Variants in PNPT1 observed in about 807,000 individuals in gnomAD.
PNPT1 encodes the protein polyribonucleotide nucleotidyltransferase 1, mitochondrial.
In PNPT1, 53 loss-of-function variants were observed where a neutral mutation model predicts 119.5. The observed-to-expected ratio is 0.44, with a 90% CI of 0.36 to 0.56. The LOEUF (loss-of-function observed/expected upper bound fraction) is 0.56. PNPT1 is among the 20% of genes least tolerant of loss of function. The probability of loss-of-function intolerance (pLI) is 0.00; values close to 1 mark genes in which losing one functional copy is unlikely to be tolerated. For synonymous variants in PNPT1, 357 were observed against 322.1 expected (o/e 1.11, Z -1.16); for missense variants, 948 against 938.5 (o/e 1.01, Z -0.13).
intron 25 of PNPT1, among the ~76,000 whole-genome samples, chr2:55,641,040 A>ATT (rs1250014465): frequency 6.6e-6 from 1 of 152,064 alleles, no homozygotes; most frequent in Non-Finnish European, 1.5e-5. Flanking sequence ...CCTGGCCAAC[A>ATT]TGGTGAAACC....
intron 19 of PNPT1, among the ~76,000 whole-genome samples, chr2:55,646,798 GGTAA>G (rs753277234): frequency 6.0e-4 from 91 of 151,820 alleles, no homozygotes; most frequent in African/African-American, 1.9e-3. Flanking sequence ...AATACTTAAG[GGTAA>G]GTATTACTAT....
At chr2:55,660,456 A>T (rs1696529616) in intron 14 of PNPT1, among the ~76,000 whole-genome samples, 1 of 152,216 alleles carries the variant, frequency 6.6e-6, no homozygotes, top group Non-Finnish European at 1.5e-5. Flanking sequence ...TTTGAACACT[A>T]AGACAATAGA....
chr2:55,645,979 C>A (rs1299981069), intron 21 of PNPT1, among the ~76,000 whole-genome samples: 1 of 152,034 alleles, frequency 6.6e-6, no homozygotes, highest in Non-Finnish European at 1.5e-5. Flanking sequence ...AGGTATGCAC[C>A]ACCATGCCCG....
intron 18 of PNPT1, among the ~76,000 whole-genome samples, chr2:55,648,463 G>T (rs1430668616): frequency 6.6e-6 from 1 of 152,216 alleles, no homozygotes; most frequent in Non-Finnish European, 1.5e-5. Flanking sequence ...AGTGGTGTAA[G>T]AAGGTATATG....
At position 55,679,778 on chromosome 2, in the gene PNPT1, T is replaced by C. The variant is rs747636323; in HGVS notation, c.583A>G (p.Ile195Val). 3 of 1,607,534 alleles carry C rather than the reference T, an allele frequency of 1.9e-6. No homozygotes were observed. The Admixed American group carries it at 5.0e-5, about 27-fold the overall frequency. Residue 195 changes from isoleucine to valine, a missense_variant, in exon 8 of 28, where the codon ATA becomes GTA. Coordinates refer to ENST00000447944, the MANE Select transcript of PNPT1 (RefSeq NM_033109.5). ...TTAACAACATATTCTCCATCAATTA[T>C]TCCTATTCGTACTGCCCCTAAAATG... ...NGPVGAVRIG[I>V]IDGEYVVNPT...
intron 13 of PNPT1, 73 bp from the exon 14 acceptor site, chr2:55,662,099 A>G (rs1225454183): frequency 1.6e-6 from 2 of 1,282,662 alleles, no homozygotes; most frequent in East Asian, 2.6e-5. Flanking sequence ...TACTTGAAGA[A>G]TCCAACTAAC....
intron 1 of PNPT1, among the ~76,000 whole-genome samples, chr2:55,688,726 AAAAC>A (rs1470038262): frequency 6.6e-6 from 1 of 151,980 alleles, no homozygotes. Flanking sequence ...CTCTGTAACA[AAAAC>A]AAAACAAAAC....
chr2:55,675,137 G>T (rs1385346908), intron 8 of PNPT1, among the ~76,000 whole-genome samples: 1 of 152,030 alleles, frequency 6.6e-6, no homozygotes, highest in Non-Finnish European at 1.5e-5. Flanking sequence ...AGCTGCGGTG[G>T]TGTGCCTGTA....
At chr2:55,668,442 G>A (rs546437472) in intron 11 of PNPT1, among the ~76,000 whole-genome samples, 209 of 152,080 alleles carry the variant, frequency 1.4e-3, no homozygotes, top group African/African-American at 5.0e-3. Flanking sequence ...TTTACCATGT[G>A]GCCCAGGCTG....
At chr2:55,648,522 A>AT (rs1427294879) in intron 18 of PNPT1, among the ~76,000 whole-genome samples, 3 of 143,524 alleles carry the variant, frequency 2.1e-5, no homozygotes, top group Non-Finnish European at 4.7e-5. Context: ...ATTTTTCTCA[A>AT]TTTAAAGTGT....
At chr2:55,669,641 A>G (rs1366084592) in intron 11 of PNPT1, among the ~76,000 whole-genome samples, 1 of 152,260 alleles carries the variant, frequency 6.6e-6, no homozygotes, top group Non-Finnish European at 1.5e-5. Flanking sequence ...ATTCTTTTAA[A>G]ATAAGACAAT....
At position 55,685,061 on chromosome 2, in the gene PNPT1, T is replaced by C. The variant is rs368942791; in HGVS notation, c.298-13A>G. 5 of 1,555,030 alleles carry C rather than the reference T, an allele frequency of 3.2e-6. No individual in the cohort carries two copies. Among genetic ancestry groups the C allele is most frequent in the African/African-American group, 1.4e-5 (1 of 72,780 alleles). ...GTCTGTAGTCAACCTGAAGCAGCAA[T>C]AAAAAAAAGTTCATATAATTCTTTT... On this transcript the variant is annotated splice_polypyrimidine_tract_variant and intron_variant, in intron 3 of 27. Transcript: ENST00000447944.
Position 55,661,978 on chromosome 2 carries a change from C to A in PNPT1, c.1225G>T (p.Asp409Tyr). 1.3e-6 allele frequency: 2 copies of A among 1,571,676 alleles called. No individual in the cohort carries two copies. The highest frequency in any genetic ancestry group is 1.7e-6 in the Non-Finnish European group (2 of 1,166,258). Reference sequence around the variant, plus strand: ...TACTTTATAGCTGTTATAACTTGATCTGACTTAATACCAGATTCTAATGAA... The same window carrying A: ...TACTTTATAGCTGTTATAACTTGATATGACTTAATACCAGATTCTAATGAA... ...FDSLESGIKS[D>Y]QVITAINGIK... The change falls in exon 14 of 28, where the codon GAT (aspartate) becomes TAT (tyrosine). Residue 409 changes from aspartate to tyrosine, a missense_variant. By Grantham distance (160) the Asp-to-Tyr change is radical. Coordinates refer to ENST00000447944, the MANE Select transcript of PNPT1 (RefSeq NM_033109.5).
chr2:55,647,532 T>C, intron 18 of PNPT1, 79 bp from the exon 19 acceptor site: 1 of 1,174,924 alleles, frequency 8.5e-7, no homozygotes, highest in Non-Finnish European at 1.2e-6. Context: ...ATTTTTTTTT[T>C]TTTTTGAGAG....
chr2:55,668,033 T>C (rs1696792966), intron 11 of PNPT1, 75 bp from the exon 12 acceptor site: 3 of 1,250,234 alleles, frequency 2.4e-6, no homozygotes, highest in Non-Finnish European at 3.3e-6. Flanking sequence ...GTTCATAGCA[T>C]AATATCAACT....
At chr2:55,657,399 T>C (rs1198331814) in intron 15 of PNPT1, among the ~76,000 whole-genome samples, 1 of 152,076 alleles carries the variant, frequency 6.6e-6, no homozygotes, top group Non-Finnish European at 1.5e-5. Context: ...GTTTTTTCTT[T>C]TTTTTTAAGA....
chr2:55,682,109 C>T (rs1260428691), intron 5 of PNPT1, among the ~76,000 whole-genome samples: 1 of 151,848 alleles, frequency 6.6e-6, no homozygotes, highest in East Asian at 1.9e-4. Flanking sequence ...CGCCACTGTA[C>T]TCCAGCCTGG....
At chr2:55,692,350 T>G (rs1318180656) in intron 1 of PNPT1, among the ~76,000 whole-genome samples, 13 of 152,172 alleles carry the variant, frequency 8.5e-5, no homozygotes, top group Admixed American at 8.5e-4. Flanking sequence ...ACCTGTTCAA[T>G]GTCAACTACT....
chr2:55,676,429 A>G (rs1697074436), intron 8 of PNPT1, among the ~76,000 whole-genome samples: 2 of 152,206 alleles, frequency 1.3e-5, no homozygotes, highest in Non-Finnish European at 2.9e-5. Context: ...CTTCTCACAC[A>G]CAGAAATATT....
Sources: gnomAD v4.1 joint callset for allele counts (sites outside exome capture counted in the v4.1 genomes callset) on GRCh38, gnomAD v4.1.1 for gene constraint, MANE v1.5 for transcripts, NCBI Gene and HGNC (gene_info 2026-07-23, HGNC 2026-07-21) for gene names.